Variants in WDCP observed in about 807,000 individuals in gnomAD.
WDCP encodes WD repeat and coiled-coil-containing protein.
In WDCP, 19 loss-of-function variants were observed where a neutral mutation model predicts 41.6. The ratio of observed to expected loss-of-function variants is 0.46; its 90% CI spans 0.32 to 0.67. The LOEUF is 0.67. Among genes scored for constraint, WDCP ranks in the 30% least tolerant of loss-of-function variants. The pLI, the probability that WDCP is intolerant of heterozygous loss-of-function variation, is 0.04. For missense variants in WDCP, 802 were observed against 850.7 expected (o/e 0.94, Z 0.71); for synonymous variants, 302 against 320.8 (o/e 0.94, Z 0.63).
rs779108340 is a variant in WDCP, at chr2:24,037,754, G to A, written c.1741C>T (p.Arg581Cys). 1.2e-5 allele frequency: 20 copies of A among 1,614,030 alleles called. No homozygotes were observed. Among genetic ancestry groups the A allele is most frequent in the African/African-American group, 9.3e-5 (7 of 74,922 alleles). The change falls in exon 2 of 4, where the codon CGT becomes TGT. Residue 581 changes from arginine to cysteine, a missense_variant. Arg to Cys is a radical substitution (Grantham distance 180). Coordinates refer to ENST00000295148, the MANE Select transcript of WDCP (RefSeq NM_025203.3). Reference protein sequence around the residue: ...MQRCLSELTNRLHNGKKSSSV... With the variant: ...MQRCLSELTNCLHNGKKSSSV... ...GAGGATTTCTTCCCATTATGCAGAC[G>A]GTTTGTAAGTTCAGAAAGACACCGT...
At chr2:24,031,838 A>G (rs1663107562) in intron 3 of WDCP, among the ~76,000 whole-genome samples, 1 of 151,544 alleles carries the variant, frequency 6.6e-6, no homozygotes, top group Non-Finnish European at 1.5e-5. Flanking sequence ...AAAAAAAAAA[A>G]GAAAGAAAGA....
intron 1 of WDCP, among the ~76,000 whole-genome samples, chr2:24,043,590 G>T (rs1431634864): frequency 6.6e-6 from 1 of 152,136 alleles, no homozygotes; most frequent in Non-Finnish European, 1.5e-5. Context: ...GTGTAAACTG[G>T]CAGTACTCAT....
Position 24,039,253 on chromosome 2 carries a change from T to C in WDCP, c.242A>G (p.His81Arg). 6.2e-7 allele frequency: 1 copy of C among 1,614,226 alleles called. No homozygotes were observed. The highest frequency in any genetic ancestry group is 1.1e-5 in the South Asian group (1 of 91,088). ...DDTPVLLAVQ[H>R]EKHVTVWQLC... ...CTGCCACACAGTGACATGCTTCTCA[T>C]GCTGGACAGCGAGTAGAACAGGTGT... Residue 81 changes from histidine to arginine, a missense_variant, in exon 2 of 4, where the codon CAT becomes CGT. Physicochemically the swap from His to Arg is conservative, Grantham distance 29. Transcript: ENST00000295148.
chr2:24,037,729 GA>G lies in WDCP; in HGVS notation c.1765del (p.Ser589LeufsTer23). Reference sequence around the variant, plus strand: ...ATCTTGAGAGAGTGGATACACTGAAGAGGATTTCTTCCCATTATGCAGACGG... The same window carrying G: ...ATCTTGAGAGAGTGGATACACTGAAGGGATTTCTTCCCATTATGCAGACGG... ...TNRLHNGKKS[S>X]SVYPLSQDLP... On this transcript the variant is annotated frameshift_variant, in exon 2 of 4. Coordinates refer to ENST00000295148, the MANE Select transcript of WDCP (RefSeq NM_025203.3). LOFTEE classifies it high-confidence loss of function. 6.2e-7 allele frequency: 1 copy of G among 1,614,134 alleles called. No individual in the cohort carries two copies. Among genetic ancestry groups the G allele is most frequent in the Middle Eastern group, 1.6e-4 (1 of 6,062 alleles).
chr2:24,029,881 C>G lies in WDCP; in HGVS notation c.*1052G>C, dbSNP rs917399320. The G allele has an allele frequency of 6.6e-6, 1 of 152,544 alleles. No homozygotes were observed. The highest frequency in any genetic ancestry group is 2.4e-5 in the African/African-American group (1 of 41,446). 9.4% of individuals were successfully genotyped at this position (152,544 alleles called of 1,614,324 possible). A position where few individuals can be genotyped will look rare whatever the true frequency, so the allele number is the denominator to read the frequency against. On this transcript the variant is annotated 3_prime_UTR_variant, in exon 4 of 4. Transcript: ENST00000295148. ...AGGCAGTGAGAAGTGGTGTTACCAT[C>G]TGAAGTGGGTCAGGGCTCTTACCTG...
rs1051188302 is a variant in WDCP, at chr2:24,037,625, C to G, written c.1818+52G>C. 5 of 1,518,386 alleles carry G rather than the reference C, an allele frequency of 3.3e-6. No individual in the cohort carries two copies. In the African/African-American group the frequency reaches 6.9e-5, roughly 21 times the overall value. The allele number at this position is 1,518,386 out of a possible 1,614,324, so 94.1% of individuals were successfully genotyped here. A position where few individuals can be genotyped will look rare whatever the true frequency, so the allele number is the denominator to read the frequency against. On this transcript the variant is annotated intron_variant, in intron 2 of 3. Transcript: ENST00000295148. The stretch of plus-strand genomic sequence containing the variant: ...ATCAATACGTTTCTTGCAGTACTCA[C>G]CGGCTGCAGGAGCTTTTATGTATAG...
chr2:24,030,792 AG>A lies in WDCP; in HGVS notation c.*140del, dbSNP rs1663077520. 2 of 517,580 alleles carry A rather than the reference AG, an allele frequency of 3.9e-6. No homozygotes were observed. Among genetic ancestry groups the A allele is most frequent in the South Asian group, 5.4e-5 (2 of 37,176 alleles). The allele number at this position is 517,580 out of a possible 1,614,324, so 32.1% of individuals were successfully genotyped here. On this transcript the variant is annotated 3_prime_UTR_variant, in exon 4 of 4. Coordinates refer to ENST00000295148, the MANE Select transcript of WDCP (RefSeq NM_025203.3). Reference sequence around the variant, plus strand: ...CAGCGAGCCTCAGCTCAGGGGAAACAGGGGGAAACCAGGAGAGCCGACCATG... The same window carrying A: ...CAGCGAGCCTCAGCTCAGGGGAAACAGGGGAAACCAGGAGAGCCGACCATG...
Position 24,044,817 on chromosome 2 carries a change from T to TA in WDCP, c.-19+2496dup, listed in dbSNP as rs747340836. Among the ~76,000 whole-genome samples the TA allele has an allele frequency of 9.6e-3, 994 of 103,716 alleles. 6 individuals are homozygous for TA. Among genetic ancestry groups the TA allele is most frequent in the African/African-American group, 0.019 (516 of 27,726 alleles). The allele number at this position is 103,716 out of a possible 152,430, so 68.0% of individuals were successfully genotyped here. A position where few individuals can be genotyped will look rare whatever the true frequency, so the allele number is the denominator to read the frequency against. ...ATGTGTTGTTGGGCAGAATTATCTT[T>TA]AAAAAAAAAAAAAAAAAAAAAAAAG... On this transcript the variant is annotated intron_variant, in intron 1 of 3. Coordinates refer to ENST00000295148, the MANE Select transcript of WDCP (RefSeq NM_025203.3).
At chr2:24,032,571 G>T (rs552346486) in intron 3 of WDCP, among the ~76,000 whole-genome samples, 1 of 152,154 alleles carries the variant, frequency 6.6e-6, no homozygotes, top group South Asian at 2.1e-4. Context: ...GTTCTCACTA[G>T]TTGGGAGTCT....
rs1663143342 is a variant in WDCP at position 24,033,007 on chromosome 2, TAAGA to T, written c.1819-65_1819-62del. ...CAGAAGTAATCGAGTTAACATTTCT[TAAGA>T]AAGGAATGTGTAAATAGTTTTTTAA... is the stretch of plus-strand genomic sequence containing the variant. On this transcript the variant is annotated intron_variant, in intron 2 of 3. Coordinates refer to ENST00000295148, the MANE Select transcript of WDCP (RefSeq NM_025203.3). 5 of 1,060,918 alleles carry T rather than the reference TAAGA, an allele frequency of 4.7e-6. No individual in the cohort carries two copies. In the Admixed American group the frequency reaches 9.1e-5, roughly 19 times the overall value. 65.7% of individuals were successfully genotyped at this position (1,060,918 alleles called of 1,614,324 possible).
At chr2:24,044,902 A>G (rs1663565330) in intron 1 of WDCP, among the ~76,000 whole-genome samples, 2 of 152,044 alleles carry the variant, frequency 1.3e-5, no homozygotes, top group South Asian at 4.2e-4. Context: ...CCACATCTAC[A>G]GTATATAAAA....
chr2:24,046,611 A>G (rs774806068), intron 1 of WDCP, among the ~76,000 whole-genome samples: 1 of 152,216 alleles, frequency 6.6e-6, no homozygotes, highest in Non-Finnish European at 1.5e-5. Flanking sequence ...TGGCATTTCC[A>G]GCAGGTTTAA....
chr2:24,032,685 A>G, intron 3 of WDCP, 144 bp downstream of exon 3: 2 of 618,594 alleles, frequency 3.2e-6, no homozygotes, highest in South Asian at 4.1e-5. Flanking sequence ...TGTCTCAATA[A>G]TAATAATAAT....
chr2:24,031,609 G>A (rs1269608480), intron 3 of WDCP, among the ~76,000 whole-genome samples: 2 of 151,874 alleles, frequency 1.3e-5, no homozygotes, highest in East Asian at 1.9e-4. Context: ...GGCAGATCTC[G>A]AGGTCAGGAG....
At chr2:24,036,857 G>A (rs140375562) in intron 2 of WDCP, among the ~76,000 whole-genome samples, 42 of 152,332 alleles carry the variant, frequency 2.8e-4, no homozygotes, top group African/African-American at 9.6e-4. Flanking sequence ...GTCACGAAAG[G>A]ATCCATGTTA....
intron 3 of WDCP, 33 bp from the exon 4 acceptor site, chr2:24,031,195 G>T: frequency 1.3e-6 from 2 of 1,500,618 alleles, no homozygotes; most frequent in Non-Finnish European, 1.8e-6. Context: ...AGGCAATTTA[G>T]TATATATTAT....
In WDCP at chr2:24,038,089, G is replaced by A. The variant is rs1558334363; in HGVS notation, c.1406C>T (p.Pro469Leu). ...CCCTTTGTTTTGGTGACAAAAATCT[G>A]GGGAAAGACTTTCAATTAACTTTTT... ...NRKKLIESLSPDFCHQNKGLL... is the reference protein window; with the variant it reads ...NRKKLIESLSLDFCHQNKGLL... Residue 469 changes from proline (P) to leucine (L), a missense_variant, in exon 2 of 4, where the codon CCA becomes CTA. Pro to Leu is a moderately conservative substitution (Grantham distance 98). Transcript: ENST00000295148. The A allele has an allele frequency of 1.2e-6, 2 of 1,614,134 alleles. No individual in the cohort carries two copies. The highest frequency in any genetic ancestry group is 1.7e-6 in the Non-Finnish European group (2 of 1,180,022).
chr2:24,042,632 C>T (rs1377325525), intron 1 of WDCP, among the ~76,000 whole-genome samples: 1 of 151,122 alleles, frequency 6.6e-6, no homozygotes, highest in Non-Finnish European at 1.5e-5. Context: ...TCGCTTGAAC[C>T]CGGGAGGTGG....
In WDCP at chr2:24,037,748, G is replaced by A. The variant is rs1242554272; in HGVS notation, c.1747C>T (p.His583Tyr). The A allele has an allele frequency of 6.2e-7, 1 of 1,614,150 alleles. No homozygotes were observed. Among genetic ancestry groups the A allele is most frequent in the East Asian group, 2.2e-5 (1 of 44,890 alleles). Residue 583 changes from histidine (H) to tyrosine (Y), a missense_variant, in exon 2 of 4, where the codon CAT becomes TAT. His to Tyr is a moderately conservative substitution (Grantham distance 83). Coordinates refer to ENST00000295148, the MANE Select transcript of WDCP (RefSeq NM_025203.3). Reference protein sequence around the residue: ...RCLSELTNRLHNGKKSSSVYP... With the variant: ...RCLSELTNRLYNGKKSSSVYP... ...ACTGAAGAGGATTTCTTCCCATTAT[G>A]CAGACGGTTTGTAAGTTCAGAAAGA...
Sources: allele counts gnomAD v4.1 joint callset (sites outside exome capture counted in the v4.1 genomes callset), GRCh38; gene constraint gnomAD v4.1.1; transcripts MANE v1.5; gene names NCBI Gene and HGNC (gene_info 2026-07-23, HGNC 2026-07-21).